The following CMYA5 variants were observed in gnomAD, a reference collection of about 807,000 sequenced individuals.
CMYA5 encodes cardiomyopathy-associated protein 5.
In CMYA5, 246 loss-of-function variants were observed where a neutral mutation model predicts 318.9. The ratio of observed to expected loss-of-function variants is 0.77; its 90% CI spans 0.70 to 0.86. The LOEUF is 0.86. CMYA5 is among the 40% of genes least tolerant of loss of function. The pLI is 0.00. For synonymous variants in CMYA5, 1,641 were observed against 1,729.5 expected (o/e 0.95, Z 1.27); for missense variants, 4,589 against 4,678.2 (o/e 0.98, Z 0.56).
At chr5:79,789,187 A>C in intron 10 of CMYA5, 83 bp downstream of exon 10, 1 of 1,466,902 alleles carries the variant, frequency 6.8e-7, no homozygotes, top group Non-Finnish European at 9.3e-7. Flanking sequence ...CTAGAGGGCA[A>C]CTTTATAAAC....
At chr5:79,793,376 C>T in intron 11 of CMYA5, 61 bp from the exon 12 acceptor site, 1 of 1,492,566 alleles carries the variant, frequency 6.7e-7, no homozygotes, top group Non-Finnish European at 9.2e-7. Context: ...AATGTTTATG[C>T]TTATGAGATA....
intron 1 of CMYA5, among the ~76,000 whole-genome samples, chr5:79,700,224 T>C (rs1043749567): frequency 4.6e-5 from 7 of 152,246 alleles, no homozygotes; most frequent in African/African-American, 1.7e-4. Flanking sequence ...TTTAGAATCA[T>C]GAATTCAGAA....
intron 1 of CMYA5, among the ~76,000 whole-genome samples, chr5:79,726,303 C>G (rs1412905815): frequency 6.6e-6 from 1 of 152,172 alleles, no homozygotes; most frequent in Non-Finnish European, 1.5e-5. Context: ...AAAATGCTGA[C>G]TTCCCAGATG....
chr5:79,767,161 T>G (rs574686115), intron 9 of CMYA5, among the ~76,000 whole-genome samples: 61 of 152,350 alleles, frequency 4.0e-4, no homozygotes, highest in African/African-American at 1.4e-3. Flanking sequence ...ATCCCCTTTA[T>G]CATTTTTTAT....
chr5:79,745,603 GC>G, intron 4 of CMYA5, 148 bp downstream of exon 4: 1 of 647,216 alleles, frequency 1.5e-6, no homozygotes. Flanking sequence ...ATTTGGGCAT[GC>G]CTGATGCCTA....
At chr5:79,773,696 G>GTGAA (rs148088756) in intron 9 of CMYA5, among the ~76,000 whole-genome samples, 1,963 of 152,112 alleles carry the variant, frequency 0.013, 23 homozygotes, top group South Asian at 0.055. Context: ...TCACGAATGA[G>GTGAA]TGAATGAATG....
chr5:79,721,996 T>C (rs1294331592), intron 1 of CMYA5, among the ~76,000 whole-genome samples: 1 of 152,230 alleles, frequency 6.6e-6, no homozygotes, highest in Non-Finnish European at 1.5e-5. Flanking sequence ...TATAGAACAC[T>C]GTTGAAAAAC....
At position 79,733,532 on chromosome 5, in the gene CMYA5, T is replaced by G. The variant is rs762092894; in HGVS notation, c.4767T>G (p.Asp1589Glu). The G allele has an allele frequency of 1.2e-6, 2 of 1,613,954 alleles. No individual in the cohort carries two copies. Among genetic ancestry groups the G allele is most frequent in the Non-Finnish European group, 8.5e-7 (1 of 1,179,842 alleles). The change falls in exon 2 of 13, where the codon GAT becomes GAG. Residue 1589 changes from aspartate to glutamate, a missense_variant. Physicochemically the swap from Asp to Glu is conservative, Grantham distance 45 (BLOSUM62 2). Around this residue, in one of 3 missense-constraint regions of CMYA5, gnomAD observed 2,132 missense variants for 2,131.3 expected, o/e 1.00. Transcript: ENST00000446378. Reference protein sequence around the residue: ...GLAPTLLLLSDDKNKPAVEVS... With the variant: ...GLAPTLLLLSEDKNKPAVEVS... ...CCCCAACATTACTGCTCCTCAGTGA[T>G]GATAAGAACAAACCGGCAGTGGAGG...
intron 1 of CMYA5, among the ~76,000 whole-genome samples, chr5:79,690,517 A>G (rs140781100): frequency 2.0e-3 from 299 of 152,230 alleles, no homozygotes; most frequent in African/African-American, 6.6e-3. Context: ...TTATTTTGAT[A>G]CAAAGGCCCA....
Position 79,732,768 on chromosome 5 carries a change from G to C in CMYA5, c.4003G>C (p.Ala1335Pro), listed in dbSNP as rs371301588. The part of the protein sequence containing the change: ...KQVEHGPPAL[A>P]FSALSEEIKK... ...AGTTGAACATGGTCCACCTGCACTAGCATTTTCAGCTTTGTCAGAAGAAAT... is the reference window on the plus strand; with the variant it reads ...AGTTGAACATGGTCCACCTGCACTACCATTTTCAGCTTTGTCAGAAGAAAT... Residue 1335 changes from alanine (A) to proline (P), a missense_variant, in exon 2 of 13, where the codon GCA becomes CCA. By Grantham distance (27) the Ala-to-Pro change is conservative (BLOSUM62 -1). This residue lies in a region of CMYA5 where 2,132 missense variants were observed against 2,131.3 expected (regional missense o/e 1.00). Coordinates refer to ENST00000446378, the MANE Select transcript of CMYA5 (RefSeq NM_153610.5). The C allele has an allele frequency of 2.5e-6, 4 of 1,613,734 alleles. No individual in the cohort carries two copies. The East Asian group carries it at 8.9e-5, about 36-fold the overall frequency.
Position 79,732,533 on chromosome 5 carries a change from C to T in CMYA5, c.3768C>T (p.Pro1256=). Residue 1256 remains proline (P), a synonymous_variant, in exon 2 of 13, where the codon CCC becomes CCT. Coordinates refer to ENST00000446378, the MANE Select transcript of CMYA5 (RefSeq NM_153610.5). ...MVDEPKKGVK[P]KLVLNVTSEL... ...ATGAGCCAAAGAAGGGTGTCAAGCC[C>T]AAATTAGTTCTAAATGTGACTTCTG... 1.2e-6 allele frequency: 2 copies of T among 1,613,016 alleles called. No homozygotes were observed. Among genetic ancestry groups the T allele is most frequent in the East Asian group, 4.5e-5 (2 of 44,850 alleles).
At chr5:79,713,447 T>C (rs908423270) in intron 1 of CMYA5, among the ~76,000 whole-genome samples, 2 of 152,046 alleles carry the variant, frequency 1.3e-5, no homozygotes, top group Admixed American at 6.5e-5. Flanking sequence ...GTAACAATGC[T>C]GTCACACCAT....
intron 1 of CMYA5, among the ~76,000 whole-genome samples, chr5:79,690,914 C>G (rs1039001650): frequency 1.3e-5 from 2 of 152,070 alleles, no homozygotes; most frequent in African/African-American, 4.8e-5. Context: ...CCAGCAGAGC[C>G]GATGTTGAAG....
chr5:79,755,777 A>G (rs895804677), intron 6 of CMYA5, among the ~76,000 whole-genome samples: 2 of 127,062 alleles, frequency 1.6e-5, no homozygotes, highest in African/African-American at 5.6e-5. Context: ...CTGTTTCTGA[A>G]AAAAGGTGTT....
At chr5:79,744,029 GTTT>G in intron 3 of CMYA5, 107 bp downstream of exon 3, 1 of 556,024 alleles carries the variant, frequency 1.8e-6, no homozygotes, top group East Asian at 3.1e-5. Context: ...CGCATGTGTT[GTTT>G]GCCATTGTTG....
At position 79,730,269 on chromosome 5, in the gene CMYA5, G is replaced by T; in HGVS notation, c.1504G>T (p.Glu502Ter). 6.2e-7 allele frequency: 1 copy of T among 1,613,922 alleles called. No homozygotes were observed. Among genetic ancestry groups the T allele is most frequent in the East Asian group, 2.2e-5 (1 of 44,874 alleles). The change falls in exon 2 of 13, where the codon GAA (glutamate) becomes TAA (stop). Residue 502 changes from glutamate (E) to a stop codon, truncating the protein, a stop_gained. Transcript: ENST00000446378. LOFTEE classifies it high-confidence loss of function. ...TTCTCTTTCTGAACCTCTAATGTTA[G>T]AAGAACCAGAGAAAGAAGAAATAGA... ...SISLSEPLML[E>*]EPEKEEIETS...
Position 79,729,102 on chromosome 5 carries a change from A to C in CMYA5, c.337A>C (p.Thr113Pro), listed in dbSNP as rs370435068. 1 of 1,613,520 alleles carries C rather than the reference A, an allele frequency of 6.2e-7. No individual in the cohort carries two copies. Residue 113 changes from threonine (T) to proline (P), a missense_variant, in exon 2 of 13, where the codon ACT becomes CCT. Thr to Pro is a conservative substitution (Grantham distance 38). Coordinates refer to ENST00000446378, the MANE Select transcript of CMYA5 (RefSeq NM_153610.5). ...TGGTGTGTGTAGTCGGGAAGGGTCA[A>C]CTGTGAATTCTCCTCCTGGAAATGT... is the stretch of plus-strand genomic sequence containing the variant. The part of the protein sequence containing the change: ...TSGVCSREGS[T>P]VNSPPGNVSF...
At chr5:79,707,827 A>G (rs534553436) in intron 1 of CMYA5, among the ~76,000 whole-genome samples, 10 of 152,166 alleles carry the variant, frequency 6.6e-5, no homozygotes, top group Non-Finnish European at 1.5e-4. Flanking sequence ...AATACCTAAG[A>G]CTGAGTAATT....
Position 79,729,977 on chromosome 5 carries a change from A to G in CMYA5, c.1212A>G (p.Gly404=), listed in dbSNP as rs114379779. ...AAGAATGTGAGCTTGCTTCACCAGGAACTGCAGCTTCAGAGAATGACTCTT... is the reference window on the plus strand; with the variant it reads ...AAGAATGTGAGCTTGCTTCACCAGGGACTGCAGCTTCAGAGAATGACTCTT... ...TKEECELASP[G]TAASENDSSV... Residue 404 remains glycine, a synonymous_variant, in exon 2 of 13, where the codon GGA becomes GGG. Transcript: ENST00000446378. 1,889 of 1,613,980 alleles carry G rather than the reference A, an allele frequency of 1.2e-3. 29 individuals carry two copies. The African/African-American group carries it at 0.023, about 19-fold the overall frequency.
Sources: gnomAD v4.1 joint callset for allele counts (sites outside exome capture counted in the v4.1 genomes callset) on GRCh38, gnomAD v4.1.1 for gene constraint, gnomAD v4.1.1 regional missense constraint, MANE v1.5 for transcripts, NCBI Gene and HGNC (gene_info 2026-07-23, HGNC 2026-07-21) for gene names.